Variants in TMEM209 observed in about 807,000 individuals in gnomAD.
TMEM209 encodes the protein testicular tissue protein Li 202.
Under a neutral mutation model 76.2 loss-of-function variants are expected in TMEM209, and 65 were observed. The observed-to-expected ratio is 0.85, with a 90% CI of 0.70 to 1.05. The LOEUF (loss-of-function observed/expected upper bound fraction) is 1.05, where lower values mean the gene tolerates loss of function less well. Ranked by LOEUF, TMEM209 falls within the 50% of genes least tolerant of loss-of-function variation. The pLI, the probability that TMEM209 is intolerant of heterozygous loss-of-function variation, is 0.00. For synonymous variants in TMEM209, 239 were observed against 237.6 expected, an observed-to-expected ratio of 1.01 and a Z score of -0.06; for missense variants, 623 against 685.5, an observed-to-expected ratio of 0.91 and a Z score of 1.02.
At chr7:130,203,748 T>C (rs1798305569) in intron 3 of TMEM209, 40 bp downstream of exon 3, 10 of 1,532,978 alleles carry the variant, frequency 6.5e-6, no homozygotes, top group Non-Finnish European at 8.8e-6. Context: ...GGCAGTTTTT[T>C]ATTGGTAAAT....
At chr7:130,169,194 CAAAA>C (rs11463128) in intron 14 of TMEM209, among the ~76,000 whole-genome samples, 2 of 74,916 alleles carry the variant, frequency 2.7e-5, no homozygotes, top group African/African-American at 4.8e-5. Flanking sequence ...GACTCCATCT[CAAAA>C]AAAAAAAAAA....
chr7:130,184,633 C>G (rs1334395000), intron 7 of TMEM209, among the ~76,000 whole-genome samples: 1 of 151,956 alleles, frequency 6.6e-6, no homozygotes, highest in Non-Finnish European at 1.5e-5. Flanking sequence ...GCTGGGACCA[C>G]AGGCACACGC....
At position 130,196,326 on chromosome 7, in the gene TMEM209, C is replaced by T. The variant is rs1228823344; in HGVS notation, c.574-3503G>A. The stretch of plus-strand genomic sequence containing the variant: ...TTTCTACTTCTTAGCCAATTTTTGG[C>T]TTTTTTTTTTTTTCCAAGAAAAGTA... On this transcript the variant is annotated intron_variant, in intron 5 of 14. Coordinates refer to ENST00000397622, the MANE Select transcript of TMEM209 (RefSeq NM_032842.4). Among the ~76,000 whole-genome samples the T allele has an allele frequency of 1.3e-4, 19 of 143,626 alleles. No homozygotes were observed. In the East Asian group the frequency reaches 2.4e-3, roughly 18 times the overall value. The allele number at this position is 143,626 out of a possible 152,430, so 94.2% of individuals were successfully genotyped here.
In TMEM209 at chr7:130,172,316, T is replaced by C. The variant is rs533663025; in HGVS notation, c.1557+1316A>G. Among the ~76,000 whole-genome samples the C allele has an allele frequency of 1.8e-4, 28 of 152,274 alleles. 1 individual carries two copies. Among genetic ancestry groups the C allele is most frequent in the African/African-American group, 6.3e-4 (26 of 41,560 alleles). On this transcript the variant is annotated intron_variant, in intron 13 of 14. Coordinates refer to ENST00000397622, the MANE Select transcript of TMEM209 (RefSeq NM_032842.4). Reference sequence around the variant, plus strand: ...ATGCAGATAGCTGTATGCATGAAGATACATTTTCAGCAGTATTTATTTATT... The same window carrying C: ...ATGCAGATAGCTGTATGCATGAAGACACATTTTCAGCAGTATTTATTTATT...
intron 10 of TMEM209, among the ~76,000 whole-genome samples, chr7:130,176,549 T>C (rs1335367404): frequency 6.6e-6 from 1 of 152,138 alleles, no homozygotes; most frequent in Admixed American, 6.5e-5. Flanking sequence ...AAGGCAATCT[T>C]GCCAAAAAAC....
chr7:130,169,461 T>C (rs1379715425), intron 14 of TMEM209, among the ~76,000 whole-genome samples: 5 of 152,230 alleles, frequency 3.3e-5, no homozygotes, highest in African/African-American at 1.2e-4. Context: ...TTTCAATATG[T>C]AACAAATATA....
intron 3 of TMEM209, 60 bp from the exon 4 acceptor site, chr7:130,202,723 C>A: frequency 6.5e-7 from 1 of 1,546,208 alleles, no homozygotes; most frequent in African/African-American, 1.4e-5. Flanking sequence ...TTGGAGAACA[C>A]AAAAACCCTC....
chr7:130,202,603 T>C lies in TMEM209; in HGVS notation c.260A>G (p.Lys87Arg), dbSNP rs768683726. Residue 87 changes from lysine to arginine, a missense_variant, in exon 4 of 15, where the codon AAA (lysine) becomes AGA (arginine). Physicochemically the swap from Lys to Arg is conservative, Grantham distance 26. Coordinates refer to ENST00000397622, the MANE Select transcript of TMEM209 (RefSeq NM_032842.4). ...NALFDFWRYF[K>R]YTVAPTSLVV... is the part of the protein sequence containing the mutation. Reference sequence around the variant, plus strand: ...CAGACTTGTTGGTGCCACAGTATATTTGAAATATCTCCAAAAATCAAATAA... The same window carrying C: ...CAGACTTGTTGGTGCCACAGTATATCTGAAATATCTCCAAAAATCAAATAA... 6.2e-6 allele frequency: 10 copies of C among 1,613,800 alleles called. No homozygotes were observed. The highest frequency in any genetic ancestry group is 1.3e-5 in the African/African-American group (1 of 74,922).
intron 10 of TMEM209, 32 bp downstream of exon 10, chr7:130,178,370 T>C: frequency 6.4e-7 from 1 of 1,551,282 alleles, no homozygotes; most frequent in Non-Finnish European, 8.7e-7. Context: ...GTAAAAAAGC[T>C]CTTATTTTTT....
chr7:130,205,370 C>T lies in TMEM209; in HGVS notation c.3+3G>A, dbSNP rs1371015105. ...AAGCACAAACACGACCCCGAAAACG[C>T]ACCATGTCCTCTGGCCGGAAAACGC... On this transcript the variant is annotated splice_donor_region_variant and intron_variant, in intron 1 of 14. Transcript: ENST00000397622. 4.3e-6 allele frequency: 7 copies of T among 1,613,884 alleles called. No individual in the cohort carries two copies. Among genetic ancestry groups the T allele is most frequent in the Middle Eastern group, 1.6e-4 (1 of 6,084 alleles).
At chr7:130,195,396 T>C (rs1479622498) in intron 5 of TMEM209, among the ~76,000 whole-genome samples, 1 of 152,122 alleles carries the variant, frequency 6.6e-6, no homozygotes, top group East Asian at 1.9e-4. Context: ...GAAACTCCTA[T>C]TGGATCTAAT....
chr7:130,196,601 A>C (rs963979796), intron 5 of TMEM209, among the ~76,000 whole-genome samples: 6 of 152,088 alleles, frequency 3.9e-5, no homozygotes, highest in African/African-American at 1.2e-4. Context: ...GGGGTAATTA[A>C]CCTAAGTGAG....
rs371807934 is a variant in TMEM209 at position 130,201,871 on chromosome 7, C to A, written c.552G>T (p.Ser184=). The change falls in exon 5 of 15, where the codon TCG becomes TCT. Residue 184 remains serine (S), a synonymous_variant. Transcript: ENST00000397622. ...SGSYSPGVTY[S]PVSGYNKLAS... is the part of the protein sequence containing the mutation. Reference sequence around the variant, plus strand: ...TTACCTTATTATAACCACTGACGGGCGAGTAGGTCACTCCAGGGCTATAAG... The same window carrying A: ...TTACCTTATTATAACCACTGACGGGAGAGTAGGTCACTCCAGGGCTATAAG... 1 of 1,613,814 alleles carries A rather than the reference C, an allele frequency of 6.2e-7. No individual in the cohort carries two copies. The highest frequency in any genetic ancestry group is 8.5e-7 in the Non-Finnish European group (1 of 1,179,874).
Position 130,201,842 on chromosome 7 carries a change from G to A in TMEM209, c.573+8C>T, listed in dbSNP as rs753848089. 1.2e-6 allele frequency: 2 copies of A among 1,613,816 alleles called. No individual in the cohort carries two copies. Among genetic ancestry groups the A allele is most frequent in the Non-Finnish European group, 8.5e-7 (1 of 1,179,850 alleles). ...TAATGTGACTAGACAAGAGAAGAGA[G>A]TCATTACCTTATTATAACCACTGAC... On this transcript the variant is annotated splice_region_variant and intron_variant, in intron 5 of 14. Coordinates refer to ENST00000397622, the MANE Select transcript of TMEM209 (RefSeq NM_032842.4).
In TMEM209 at chr7:130,196,193, A is replaced by T. The variant is rs565129509; in HGVS notation, c.574-3370T>A. On this transcript the variant is annotated intron_variant, in intron 5 of 14. Coordinates refer to ENST00000397622, the MANE Select transcript of TMEM209 (RefSeq NM_032842.4). The stretch of plus-strand genomic sequence containing the variant: ...TCCATAATAAAAAGTCTATAAAGTA[A>T]CTGTTTCTTCAAAGTTTAAAAGAAC... Among the ~76,000 whole-genome samples, 4 of 152,294 alleles carry T rather than the reference A, an allele frequency of 2.6e-5. No individual in the cohort carries two copies. In the South Asian group the frequency reaches 8.3e-4, roughly 32 times the overall value.
chr7:130,167,444 T>A (rs1473932560), intron 14 of TMEM209, among the ~76,000 whole-genome samples: 1 of 152,188 alleles, frequency 6.6e-6, no homozygotes, highest in Non-Finnish European at 1.5e-5. Flanking sequence ...AAGCATCTTT[T>A]TGTGTTTAGG....
At chr7:130,169,659 G>C (rs944372418) in intron 14 of TMEM209, among the ~76,000 whole-genome samples, 1 of 152,054 alleles carries the variant, frequency 6.6e-6, no homozygotes, top group Non-Finnish European at 1.5e-5. Flanking sequence ...TTACAAACAG[G>C]ATGCTATCTA....
intron 5 of TMEM209, among the ~76,000 whole-genome samples, chr7:130,201,365 A>G (rs1320239361): frequency 6.6e-6 from 1 of 152,142 alleles, no homozygotes; most frequent in Non-Finnish European, 1.5e-5. Flanking sequence ...GTGGGAGTGG[A>G]AATGAAGGTT....
intron 9 of TMEM209, 135 bp from the exon 10 acceptor site, chr7:130,178,662 C>T (rs1797318451): frequency 1.1e-6 from 1 of 902,648 alleles, no homozygotes; most frequent in Non-Finnish European, 1.6e-6. Flanking sequence ...AATGACGTCT[C>T]CCCTGACGAC....
Sources: allele counts gnomAD v4.1 joint callset (sites outside exome capture counted in the v4.1 genomes callset), GRCh38; gene constraint gnomAD v4.1.1; transcripts MANE v1.5; gene names NCBI Gene and HGNC (gene_info 2026-07-23, HGNC 2026-07-21).